DNAH11: variants seen among roughly 807,000 people sequenced by gnomAD.
DNAH11 encodes dynein axonemal heavy chain 11, also known as axonemal beta dynein heavy chain 11.
Under a neutral mutation model 526.0 loss-of-function variants are expected in DNAH11, and 442 were observed. The ratio of observed to expected loss-of-function variants is 0.84; its 90% CI spans 0.78 to 0.91. The LOEUF (loss-of-function observed/expected upper bound fraction) is 0.91. Among genes scored for constraint, DNAH11 ranks in the 40% least tolerant of loss-of-function variants. The probability of loss-of-function intolerance (pLI) is 0.00; values close to 1 mark genes in which losing one functional copy is unlikely to be tolerated. For synonymous variants in DNAH11, 2,461 were observed against 1,935.9 expected (o/e 1.27, Z -7.12); for missense variants, 6,989 against 5,448.7 (o/e 1.28, Z -8.90).
chr7:21,762,157 T>A (rs942208029), intron 54 of DNAH11, among the ~76,000 whole-genome samples: 1 of 152,032 alleles, frequency 6.6e-6, no homozygotes, highest in Non-Finnish European at 1.5e-5. Context: ...CCTCGACACA[T>A]GAGGATTATG....
chr7:21,842,900 A>T (rs72657401), intron 66 of DNAH11, among the ~76,000 whole-genome samples, 152 bp downstream of exon 66: 187 of 152,336 alleles, frequency 1.2e-3, no homozygotes, highest in Non-Finnish European at 2.0e-3. Context: ...AAGTTAAACA[A>T]TTCAAAGTTG....
At chr7:21,682,957 A>G (rs558238471) in intron 31 of DNAH11, among the ~76,000 whole-genome samples, 2 of 152,290 alleles carry the variant, frequency 1.3e-5, no homozygotes, top group African/African-American at 4.8e-5. Flanking sequence ...TGACTTTGAT[A>G]ATGAACTGTT....
chr7:21,756,654 A>T (rs1786653583), intron 54 of DNAH11, among the ~76,000 whole-genome samples: 1 of 152,090 alleles, frequency 6.6e-6, no homozygotes, highest in Admixed American at 6.5e-5. Context: ...GTTATAATTT[A>T]AGGTTTTTTC....
At chr7:21,713,529 C>G (rs892227348) in intron 42 of DNAH11, among the ~76,000 whole-genome samples, 1 of 152,162 alleles carries the variant, frequency 6.6e-6, no homozygotes, top group Non-Finnish European at 1.5e-5. Context: ...TCTTGTCCCT[C>G]CAGGCATAGA....
intron 25 of DNAH11, among the ~76,000 whole-genome samples, chr7:21,635,220 G>A (rs1408726798): frequency 6.6e-6 from 1 of 152,086 alleles, no homozygotes; most frequent in African/African-American, 2.4e-5. Context: ...GCAGTGGCGT[G>A]ATCTCAGCTC....
intron 35 of DNAH11, among the ~76,000 whole-genome samples, chr7:21,692,956 A>G (rs936720605): frequency 4.3e-4 from 66 of 152,224 alleles, no homozygotes; most frequent in Non-Finnish European, 7.5e-4. Context: ...CTTATTGTCT[A>G]TTGCTATACC....
chr7:21,704,570 T>A lies in DNAH11; in HGVS notation c.6410T>A (p.Met2137Lys). ...PRRRKLHFEQMVRQSTLELRL... is the reference protein window; with the variant it reads ...PRRRKLHFEQKVRQSTLELRL... The stretch of plus-strand genomic sequence containing the variant: ...AGGAGGAAGCTGCACTTTGAACAGA[T>A]GGTCAGGCAGTCTACCCTGGAGCTC... The change falls in exon 38 of 82, where the codon ATG (methionine) becomes AAG (lysine). Residue 2137 changes from methionine to lysine, a missense_variant. By Grantham distance (95) the Met-to-Lys change is moderately conservative. Coordinates refer to ENST00000409508, the MANE Select transcript of DNAH11 (RefSeq NM_001277115.2). 1 of 1,613,840 alleles carries A rather than the reference T, an allele frequency of 6.2e-7. No individual in the cohort carries two copies. Among genetic ancestry groups the A allele is most frequent in the Non-Finnish European group, 8.5e-7 (1 of 1,179,802 alleles).
At chr7:21,804,730 T>C (rs1351952124) in intron 62 of DNAH11, among the ~76,000 whole-genome samples, 1 of 152,148 alleles carries the variant, frequency 6.6e-6, no homozygotes, top group East Asian at 1.9e-4. Flanking sequence ...CTGTGGCATC[T>C]CTCCCCTAGG....
chr7:21,693,349 T>C (rs917731544), intron 35 of DNAH11, among the ~76,000 whole-genome samples: 2 of 152,238 alleles, frequency 1.3e-5, no homozygotes, highest in African/African-American at 4.8e-5. Context: ...ATTTTATTAA[T>C]AGGTACTGCT....
At chr7:21,877,687 A>G (rs1783768796) in intron 74 of DNAH11, among the ~76,000 whole-genome samples, 2 of 152,018 alleles carry the variant, frequency 1.3e-5, no homozygotes, top group South Asian at 2.1e-4. Flanking sequence ...CATCCTGGCT[A>G]AAAAGGTGAA....
At position 21,765,338 on chromosome 7, in the gene DNAH11, C is replaced by T. The variant is rs879175331; in HGVS notation, c.8941-90C>T. 48 of 1,575,488 alleles carry T rather than the reference C, an allele frequency of 3.0e-5. No homozygotes were observed. The South Asian group carries it at 3.9e-4, about 13-fold the overall frequency. On this transcript the variant is annotated intron_variant, in intron 54 of 81. Coordinates refer to ENST00000409508, the MANE Select transcript of DNAH11 (RefSeq NM_001277115.2). ...GGTAGTTTAATGTCACAGTTGGCTG[C>T]ACTCCTTTCTCTCATTGTCTAAGAT...
chr7:21,564,462 G>T, intron 6 of DNAH11, 65 bp downstream of exon 6: 1 of 1,226,902 alleles, frequency 8.2e-7, no homozygotes, highest in Non-Finnish European at 1.2e-6. Context: ...TACGAGACTA[G>T]TGAAGAATAA....
chr7:21,619,139 T>G lies in DNAH11; in HGVS notation c.4294T>G (p.Leu1432Val), dbSNP rs794727390. ...AAATGAAGCCACAACTTTGGCAGATTTGTTAGCACTGCGGTTACACAGAGT... is the reference window on the plus strand; with the variant it reads ...AAATGAAGCCACAACTTTGGCAGATGTGTTAGCACTGCGGTTACACAGAGT... The part of the protein sequence containing the change: ...LINEATTLAD[L>V]LALRLHRVED... Residue 1432 changes from leucine (L) to valine (V), a missense_variant, in exon 24 of 82, where the codon TTG (leucine) becomes GTG (valine). Transcript: ENST00000409508. 6.2e-7 allele frequency: 1 copy of G among 1,613,560 alleles called. No homozygotes were observed. The highest frequency in any genetic ancestry group is 1.7e-5 in the Admixed American group (1 of 59,928).
intron 79 of DNAH11, 77 bp from the exon 80 acceptor site, chr7:21,899,259 C>T (rs753560780): frequency 7.6e-6 from 9 of 1,184,760 alleles, no homozygotes; most frequent in South Asian, 6.1e-5. Flanking sequence ...CCTGCCCTAA[C>T]CGCCCACAAC....
intron 65 of DNAH11, among the ~76,000 whole-genome samples, chr7:21,824,388 G>C (rs950438433): frequency 6.6e-6 from 1 of 151,948 alleles, no homozygotes; most frequent in South Asian, 2.1e-4. Flanking sequence ...GTTCCATAAA[G>C]TCTAACAGAC....
chr7:21,802,402 C>T (rs1789033776), intron 62 of DNAH11, among the ~76,000 whole-genome samples: 1 of 152,138 alleles, frequency 6.6e-6, no homozygotes. Flanking sequence ...CTTTGGAAAA[C>T]AGTTCTGCAG....
rs972925779 is a variant in DNAH11 at position 21,658,673 on chromosome 7, C to A, written c.5095-125C>A. ...TTTGAGTTATGCCTCTTGCAGTTTTCTACCTGGGTTTAAAATGAATCCACC... is the reference window on the plus strand; with the variant it reads ...TTTGAGTTATGCCTCTTGCAGTTTTATACCTGGGTTTAAAATGAATCCACC... On this transcript the variant is annotated intron_variant, in intron 29 of 81. Coordinates refer to ENST00000409508, the MANE Select transcript of DNAH11 (RefSeq NM_001277115.2). 1.7e-5 allele frequency: 12 copies of A among 697,450 alleles called. No individual in the cohort carries two copies. In the African/African-American group the frequency reaches 2.0e-4, roughly 12 times the overall value. 43.2% of individuals were successfully genotyped at this position (697,450 alleles called of 1,614,324 possible).
chr7:21,861,964 AC>A lies in DNAH11; in HGVS notation c.11316del (p.Ser3773AlafsTer22), dbSNP rs1446682084. The A allele has an allele frequency of 1.2e-6, 2 of 1,613,656 alleles. No homozygotes were observed. The highest frequency in any genetic ancestry group is 3.3e-5 in the Admixed American group (2 of 59,982). ...ESITHAVFLY[T>X]SQALFEKDKL... ...CATCACCCATGCTGTCTTCCTCTAC[AC>A]CAGCCAGGCGCTGTTTGAGAAGGAC... On this transcript the variant is annotated frameshift_variant, in exon 69 of 82. Transcript: ENST00000409508. LOFTEE classifies it high-confidence loss of function.
At chr7:21,578,912 A>G (rs1784208419) in intron 8 of DNAH11, among the ~76,000 whole-genome samples, 1 of 152,194 alleles carries the variant, frequency 6.6e-6, no homozygotes, top group Admixed American at 6.5e-5. Context: ...TCTCCAACTC[A>G]TTAAATGGTA....
Sources: allele counts gnomAD v4.1 joint callset (sites outside exome capture counted in the v4.1 genomes callset), GRCh38; gene constraint gnomAD v4.1.1; transcripts MANE v1.5; gene names NCBI Gene and HGNC (gene_info 2026-07-23, HGNC 2026-07-21).